The following NEGR1 variants were observed in gnomAD, a reference collection of about 807,000 sequenced individuals.
NEGR1 encodes neuronal growth regulator 1.
NEGR1 carries 10 observed loss-of-function variants against 40.9 expected under a neutral mutation model. The ratio of observed to expected loss-of-function variants is 0.24; its 90% CI spans 0.15 to 0.42. The LOEUF is 0.42. Ranked by LOEUF, NEGR1 falls within the 10% of genes least tolerant of loss-of-function variation. The pLI, the probability that NEGR1 is intolerant of heterozygous loss-of-function variation, is 1.00. For missense variants in NEGR1, 352 were observed against 438.9 expected (o/e 0.80, Z 1.77); for synonymous variants, 185 against 166.8 (o/e 1.11, Z -0.84).
At chr1:71,622,544 A>T (rs748514234) in intron 4 of NEGR1, among the ~76,000 whole-genome samples, 1 of 151,912 alleles carries the variant, frequency 6.6e-6, no homozygotes, top group Non-Finnish European at 1.5e-5. Flanking sequence ...TTTGTAATTT[A>T]TTAATGAAAA....
chr1:71,693,356 T>C (rs766389075), intron 4 of NEGR1, among the ~76,000 whole-genome samples: 4 of 151,676 alleles, frequency 2.6e-5, no homozygotes, highest in Admixed American at 6.6e-5. Context: ...CCTGGAGGAC[T>C]CTAAACTGTT....
intron 2 of NEGR1, among the ~76,000 whole-genome samples, chr1:71,820,272 GT>G (rs554683147): frequency 4.6e-5 from 7 of 151,958 alleles, no homozygotes; most frequent in Non-Finnish European, 1.0e-4. Flanking sequence ...ATTGAGGGCA[GT>G]CACAGCAATA....
At chr1:72,044,461 T>C (rs960727549) in intron 1 of NEGR1, among the ~76,000 whole-genome samples, 22 of 151,790 alleles carry the variant, frequency 1.4e-4, no homozygotes, top group African/African-American at 5.1e-4. Context: ...AAAATTTGAA[T>C]GCCATGTGAA....
At chr1:71,810,625 G>C (rs1302685560) in intron 2 of NEGR1, among the ~76,000 whole-genome samples, 1 of 152,116 alleles carries the variant, frequency 6.6e-6, no homozygotes, top group African/African-American at 2.4e-5. Flanking sequence ...CCCAGTGTTG[G>C]AGGAGAAGCT....
intron 1 of NEGR1, among the ~76,000 whole-genome samples, chr1:72,104,070 T>C (rs1391170986): frequency 1.4e-5 from 2 of 146,436 alleles, no homozygotes; most frequent in Non-Finnish European, 3.0e-5. Flanking sequence ...ACATTCATTA[T>C]GTGCTTTTGG....
At chr1:72,135,397 C>CAAAAA (rs1386681075) in intron 1 of NEGR1, among the ~76,000 whole-genome samples, 2 of 26,640 alleles carry the variant, frequency 7.5e-5, no homozygotes, top group African/African-American at 2.7e-4. Context: ...AAACAAAAAA[C>CAAAAA]AAAAAACAAA....
In NEGR1 at chr1:72,253,903, C is replaced by T. The variant is rs184125450; in HGVS notation, c.176+28416G>A. On this transcript the variant is annotated intron_variant, in intron 1 of 6. Transcript: ENST00000357731. The stretch of plus-strand genomic sequence containing the variant: ...AAATAGACACTAACTGAAGCTGAAA[C>T]GCAAGATTAACTTAATAAGTCATAT... Among the ~76,000 whole-genome samples, 11 of 152,162 alleles carry T rather than the reference C, an allele frequency of 7.2e-5. No individual in the cohort carries two copies. In the East Asian group the frequency reaches 9.7e-4, roughly 13 times the overall value.
intron 1 of NEGR1, among the ~76,000 whole-genome samples, chr1:72,043,261 C>A (rs1646971629): frequency 6.6e-6 from 1 of 151,850 alleles, no homozygotes; most frequent in Non-Finnish European, 1.5e-5. Context: ...TCTCTACTTG[C>A]CTTTTTCCTC....
At chr1:71,687,175 T>C (rs1653068484) in intron 4 of NEGR1, among the ~76,000 whole-genome samples, 1 of 152,216 alleles carries the variant, frequency 6.6e-6, no homozygotes, top group African/African-American at 2.4e-5. Flanking sequence ...AATTGCTAAC[T>C]TAAACCTTTA....
chr1:72,064,514 C>A (rs1381189110), intron 1 of NEGR1, among the ~76,000 whole-genome samples: 1 of 152,056 alleles, frequency 6.6e-6, no homozygotes, highest in Admixed American at 6.6e-5. Context: ...CACAGTGGCC[C>A]TGAGCACCAA....
chr1:72,057,767 G>T (rs1240508754), intron 1 of NEGR1, among the ~76,000 whole-genome samples: 2 of 151,418 alleles, frequency 1.3e-5, no homozygotes, highest in African/African-American at 4.8e-5. Flanking sequence ...GTCTGGTAAG[G>T]CCTCTCCTTG....
intron 3 of NEGR1, among the ~76,000 whole-genome samples, chr1:71,706,627 G>A (rs1319092980): frequency 6.6e-6 from 1 of 150,894 alleles, no homozygotes; most frequent in Non-Finnish European, 1.5e-5. Flanking sequence ...AGAGTGGAGA[G>A]GACTTTGTCT....
intron 1 of NEGR1, among the ~76,000 whole-genome samples, chr1:72,240,058 G>C (rs1286379432): frequency 6.6e-6 from 1 of 151,854 alleles, no homozygotes; most frequent in African/African-American, 2.4e-5. Flanking sequence ...ACCTTGAAAA[G>C]AGCCCCTCTC....
At chr1:71,606,486 C>T (rs1340006161) in intron 5 of NEGR1, among the ~76,000 whole-genome samples, 6 of 152,182 alleles carry the variant, frequency 3.9e-5, no homozygotes, top group African/African-American at 1.2e-4. Context: ...TTAGTGCTTA[C>T]TGGTTTTAGT....
intron 1 of NEGR1, among the ~76,000 whole-genome samples, chr1:72,051,909 T>C (rs987557572): frequency 2.0e-5 from 3 of 151,476 alleles, no homozygotes; most frequent in Admixed American, 2.0e-4. Context: ...AGTTTGTTTG[T>C]CCTATGTAGA....
chr1:71,429,355 G>A lies in NEGR1; in HGVS notation c.941-21785C>T, dbSNP rs909237006. ...GGTAAAATTAAAACAAAAAAAGTCC[G>A]AAAGGTTAAGTGAAGTCTAAATTAC... On this transcript the variant is annotated intron_variant, in intron 6 of 6. Coordinates refer to ENST00000357731, the MANE Select transcript of NEGR1 (RefSeq NM_173808.3). 2.6e-5 allele frequency among the ~76,000 whole-genome samples: 4 copies of A among 152,230 alleles called. No homozygotes were observed. The East Asian group carries it at 5.8e-4, about 22-fold the overall frequency.
intron 1 of NEGR1, among the ~76,000 whole-genome samples, chr1:72,025,505 G>A (rs17579541): frequency 6.6e-6 from 1 of 152,004 alleles, no homozygotes; most frequent in Non-Finnish European, 1.5e-5. Flanking sequence ...CGTGTTTTCA[G>A]GCACATAGTG....
At chr1:71,453,489 TA>T (rs1446826329) in intron 6 of NEGR1, among the ~76,000 whole-genome samples, 2 of 152,142 alleles carry the variant, frequency 1.3e-5, no homozygotes, top group African/African-American at 4.8e-5. Context: ...GCCCAAGATA[TA>T]AATAATCTTG....
intron 1 of NEGR1, among the ~76,000 whole-genome samples, chr1:72,113,439 A>C (rs1649456750): frequency 6.6e-6 from 1 of 151,266 alleles, no homozygotes; most frequent in African/African-American, 2.4e-5. Context: ...TTTATACAAA[A>C]AAAAAATATG....
Sources: allele counts gnomAD v4.1 joint callset (sites outside exome capture counted in the v4.1 genomes callset), GRCh38; gene constraint gnomAD v4.1.1; transcripts MANE v1.5; gene names NCBI Gene and HGNC (gene_info 2026-07-23, HGNC 2026-07-21).